ARID1B: variants seen among roughly 807,000 people sequenced by gnomAD.
ARID1B encodes the protein AT-rich interactive domain-containing protein 1B.
In ARID1B, 30 loss-of-function variants were observed where a neutral mutation model predicts 212.3. The ratio of observed to expected loss-of-function variants is 0.14; its 90% confidence interval spans 0.11 to 0.19. ARID1B has a LOEUF of 0.19. ARID1B is among the 10% of genes least tolerant of loss of function. ARID1B has a pLI of 1.00. For synonymous variants in ARID1B, 1,402 were observed against 1,301.7 expected (o/e 1.08, Z -1.66); for missense variants, 2,891 against 3,204.0 (o/e 0.90, Z 2.36).
At chr6:157,124,150 T>C (rs1787974285) in intron 6 of ARID1B, among the ~76,000 whole-genome samples, 1 of 152,170 alleles carries the variant, frequency 6.6e-6, no homozygotes, top group African/African-American at 2.4e-5. Context: ...TCCTCAGAAA[T>C]GATTCTTTGG....
intron 4 of ARID1B, among the ~76,000 whole-genome samples, chr6:157,027,930 G>T (rs1780765555): frequency 6.6e-6 from 1 of 152,106 alleles, no homozygotes; most frequent in African/African-American, 2.4e-5. Context: ...ATTTATCCAG[G>T]TATTTTTTAA....
intron 2 of ARID1B, among the ~76,000 whole-genome samples, chr6:156,871,962 T>C (rs777200990): frequency 6.6e-6 from 1 of 152,246 alleles, no homozygotes; most frequent in Non-Finnish European, 1.5e-5. Flanking sequence ...TTTTTCTCTT[T>C]CTGTTTTTCT....
At chr6:157,093,513 G>A (rs1785417513) in intron 5 of ARID1B, among the ~76,000 whole-genome samples, 2 of 152,140 alleles carry the variant, frequency 1.3e-5, no homozygotes, top group South Asian at 2.1e-4. Context: ...GAACAGAATT[G>A]GTTTCGGCAT....
intron 3 of ARID1B, among the ~76,000 whole-genome samples, chr6:156,915,895 T>TC (rs1176033876): frequency 2.1e-5 from 3 of 144,570 alleles, no homozygotes; most frequent in African/African-American, 7.7e-5. Flanking sequence ...AGACTCCGTC[T>TC]CAAAAAAAAA....
chr6:156,934,253 G>A (rs1358942304), intron 3 of ARID1B, among the ~76,000 whole-genome samples: 1 of 152,072 alleles, frequency 6.6e-6, no homozygotes, highest in Non-Finnish European at 1.5e-5. Flanking sequence ...TAACAATTCT[G>A]TCCTGCTGTT....
chr6:157,181,368 A>G (rs900585775), intron 12 of ARID1B, among the ~76,000 whole-genome samples, 190 bp downstream of exon 12: 6 of 151,984 alleles, frequency 3.9e-5, no homozygotes, highest in Non-Finnish European at 8.8e-5. Context: ...TCTGCCACCA[A>G]CTCGCAGCGT....
chr6:156,830,294 C>T (rs532346502), intron 2 of ARID1B, among the ~76,000 whole-genome samples: 3 of 152,200 alleles, frequency 2.0e-5, no homozygotes, highest in Admixed American at 6.5e-5. Flanking sequence ...TGCTGCTGCA[C>T]GTTTTACTGC....
chr6:157,210,571 C>T lies in ARID1B; in HGVS notation c.*2680C>T, dbSNP rs1034283508. On this transcript the variant is annotated 3_prime_UTR_variant, in exon 20 of 20. Coordinates refer to ENST00000636930, the MANE Select transcript of ARID1B (RefSeq NM_001374828.1). The stretch of plus-strand genomic sequence containing the variant: ...CCGAATCAAGATTTACAGAAGCCCA[C>T]GAAGAATTTACAGCCTGCTTGAGAT... The T allele has an allele frequency of 7.3e-5, 17 of 232,100 alleles. No individual in the cohort carries two copies. The highest frequency in any genetic ancestry group is 1.3e-4 in the African/African-American group (6 of 45,188). The allele number at this position is 232,100 out of a possible 1,614,324, so 14.4% of individuals were successfully genotyped here. A position where few individuals can be genotyped will look rare whatever the true frequency, so the allele number is the denominator to read the frequency against.
chr6:156,920,866 T>C (rs1790725351), intron 3 of ARID1B, among the ~76,000 whole-genome samples: 1 of 151,910 alleles, frequency 6.6e-6, no homozygotes, highest in Admixed American at 6.6e-5. Flanking sequence ...CTTTTCTTTT[T>C]TTTTTTTGAC....
intron 5 of ARID1B, among the ~76,000 whole-genome samples, chr6:157,102,600 G>A (rs1786131152): frequency 7.1e-6 from 1 of 140,374 alleles, no homozygotes; most frequent in Non-Finnish European, 1.5e-5. Context: ...CCTCCTGAGT[G>A]GTTCTTTTTT....
At position 156,960,993 on chromosome 6, in the gene ARID1B, C is replaced by T. The variant is rs151029998; in HGVS notation, c.2247+25417C>T. 2.0e-5 allele frequency among the ~76,000 whole-genome samples: 3 copies of T among 152,124 alleles called. No homozygotes were observed. The South Asian group carries it at 6.2e-4, about 31-fold the overall frequency. On this transcript the variant is annotated intron_variant, in intron 4 of 19. Transcript: ENST00000636930. ...TTCTACCTTTTTAAAAAGGAAAAAT[C>T]GTTGTAAAATGGAACATTGATTCTA...
intron 2 of ARID1B, among the ~76,000 whole-genome samples, chr6:156,851,552 C>A (rs959476275): frequency 2.0e-5 from 3 of 152,180 alleles, no homozygotes; most frequent in Non-Finnish European, 4.4e-5. Context: ...CTATTTCAGA[C>A]CTGGCCTGTC....
chr6:157,040,350 C>CT (rs1457343949), intron 4 of ARID1B, among the ~76,000 whole-genome samples: 3 of 152,222 alleles, frequency 2.0e-5, no homozygotes, highest in African/African-American at 7.2e-5. Context: ...ACTCAAGTGT[C>CT]TAAGTCACTG....
intron 8 of ARID1B, among the ~76,000 whole-genome samples, chr6:157,154,593 T>G (rs1324486136): frequency 1.2e-4 from 18 of 145,372 alleles, no homozygotes; most frequent in African/African-American, 2.5e-4. Context: ...TTTTTTTTTT[T>G]TTTTTGAGTT....
At chr6:157,166,849 A>G in intron 8 of ARID1B, 191 bp from the exon 9 acceptor site, 4 of 581,308 alleles carry the variant, frequency 6.9e-6, no homozygotes, top group Non-Finnish European at 1.1e-5. Flanking sequence ...TGGAATTGTA[A>G]AGGGGTGTAT....
intron 5 of ARID1B, chr6:157,107,770 G>A (rs939102079): frequency 1.3e-5 from 2 of 152,072 alleles, no homozygotes; most frequent in African/African-American, 4.8e-5. Flanking sequence ...AAGTGGGTTG[G>A]TTCACTGTGC....
At chr6:157,013,734 C>T (rs1779746921) in intron 4 of ARID1B, among the ~76,000 whole-genome samples, 1 of 152,158 alleles carries the variant, frequency 6.6e-6, no homozygotes, top group Non-Finnish European at 1.5e-5. Flanking sequence ...TCTGTACTGA[C>T]TAGAAACTGA....
chr6:156,869,327 T>A (rs1785943231), intron 2 of ARID1B, among the ~76,000 whole-genome samples: 1 of 152,234 alleles, frequency 6.6e-6, no homozygotes, highest in Non-Finnish European at 1.5e-5. Flanking sequence ...TTCATTCATC[T>A]TCTGTTGCCT....
chr6:156,925,833 A>G (rs1261278651), intron 3 of ARID1B, among the ~76,000 whole-genome samples: 2 of 152,166 alleles, frequency 1.3e-5, no homozygotes, highest in African/African-American at 4.8e-5. Context: ...TCATCATGGC[A>G]CATGCAAGAG....
Sources: allele counts gnomAD v4.1 joint callset (sites outside exome capture counted in the v4.1 genomes callset), GRCh38; gene constraint gnomAD v4.1.1; transcripts MANE v1.5; gene names NCBI Gene and HGNC (gene_info 2026-07-23, HGNC 2026-07-21).